Variants in ADGRV1 observed in about 807,000 individuals in gnomAD.
The protein encoded by ADGRV1 is G-protein coupled receptor 98.
A neutral mutation model predicts 596.2 loss-of-function variants in ADGRV1; 359 were observed. That is an observed-to-expected ratio of 0.60 (90% CI 0.55 to 0.66). The LOEUF (loss-of-function observed/expected upper bound fraction) is 0.66. Among genes scored for constraint, ADGRV1 ranks in the 30% least tolerant of loss-of-function variants. The pLI, the probability that ADGRV1 is intolerant of heterozygous loss-of-function variation, is 0.00. For synonymous variants in ADGRV1, 2,681 were observed against 2,679.2 expected (o/e 1.00, Z -0.02); for missense variants, 7,274 against 7,575.6 (o/e 0.96, Z 1.48).
At chr5:91,045,639 C>T (rs1275953931) in intron 85 of ADGRV1, among the ~76,000 whole-genome samples, 3 of 152,110 alleles carry the variant, frequency 2.0e-5, no homozygotes, top group Non-Finnish European at 4.4e-5. Flanking sequence ...ACTCTCACTA[C>T]TTTTCTTCAA....
intron 85 of ADGRV1, among the ~76,000 whole-genome samples, chr5:91,043,608 G>A (rs1785547529): frequency 6.6e-6 from 1 of 152,046 alleles, no homozygotes; most frequent in Admixed American, 6.6e-5. Flanking sequence ...TTATAAAATG[G>A]GGATTATAAT....
chr5:91,118,256 A>G (rs1793019656), intron 87 of ADGRV1, among the ~76,000 whole-genome samples: 1 of 152,092 alleles, frequency 6.6e-6, no homozygotes, highest in Non-Finnish European at 1.5e-5. Context: ...AGCTTATGAT[A>G]GGAGAATAAA....
At chr5:90,708,448 T>C (rs200561374) in intron 38 of ADGRV1, among the ~76,000 whole-genome samples, 2,970 of 150,806 alleles carry the variant, frequency 0.02, 94 homozygotes, top group African/African-American at 0.067. Context: ...TTTTTTTTTT[T>C]CCATGGTGTT....
At chr5:90,828,677 G>A (rs1331038396) in intron 76 of ADGRV1, among the ~76,000 whole-genome samples, 4 of 151,930 alleles carry the variant, frequency 2.6e-5, no homozygotes, top group East Asian at 1.9e-4. Flanking sequence ...TTTGCTGATC[G>A]TAGTAAACAT....
At position 91,072,567 on chromosome 5, in the gene ADGRV1, A is replaced by G. The variant is rs137853918; in HGVS notation, c.18273A>G (p.Ala6091=). 6,398 of 1,613,858 alleles carry G rather than the reference A, an allele frequency of 4.0e-3. 31 individuals are homozygous for G. The highest frequency in any genetic ancestry group is 8.9e-3 in the South Asian group (815 of 91,070). ...ACCAGGTGAAGCCACAGTGGAAAGC[A>G]TATGATGATGTCTTCAGAGGAAGGA... is the stretch of plus-strand genomic sequence containing the variant. ...HAYQVKPQWK[A]YDDVFRGRTN... The change falls in exon 86 of 90, where the codon GCA becomes GCG. Residue 6091 remains alanine, a synonymous_variant. Transcript: ENST00000405460.
intron 85 of ADGRV1, among the ~76,000 whole-genome samples, chr5:91,043,188 T>A (rs1368692156): frequency 6.6e-6 from 1 of 152,182 alleles, no homozygotes; most frequent in Non-Finnish European, 1.5e-5. Context: ...AGTGTGTTCT[T>A]GGCTGTAATA....
In ADGRV1 at chr5:90,684,189, C is replaced by T. The variant is rs1374306116; in HGVS notation, c.6268C>T (p.Arg2090Cys). Reference sequence around the variant, plus strand: ...TACTTTAGTAGCGAAAGTACAGAGTCGTTCAAGTAAGTATCCCTTAGTGTG... The same window carrying T: ...TACTTTAGTAGCGAAAGTACAGAGTTGTTCAAGTAAGTATCCCTTAGTGTG... Reference protein sequence around the residue: ...NSTLVAKVQSRSIPNSPRLGP... With the variant: ...NSTLVAKVQSCSIPNSPRLGP... The change falls in exon 28 of 90, where the codon CGT becomes TGT. Residue 2090 changes from arginine (R) to cysteine (C), a missense_variant. Physicochemically the swap from Arg to Cys is radical, Grantham distance 180. Around this residue, in one of 5 missense-constraint regions of ADGRV1, gnomAD observed 3,643 missense variants for 3,809.2 expected, o/e 0.96. Coordinates refer to ENST00000405460, the MANE Select transcript of ADGRV1 (RefSeq NM_032119.4). 10 of 1,607,412 alleles carry T rather than the reference C, an allele frequency of 6.2e-6. No homozygotes were observed. The highest frequency in any genetic ancestry group is 3.4e-5 in the Admixed American group (2 of 59,314).
intron 82 of ADGRV1, among the ~76,000 whole-genome samples, chr5:90,862,969 A>G (rs1437833157): frequency 1.3e-5 from 2 of 152,204 alleles, no homozygotes; most frequent in Non-Finnish European, 2.9e-5. Context: ...TGATATAACT[A>G]AACGGGTAAA....
At chr5:91,086,407 C>A (rs1178039667) in intron 86 of ADGRV1, among the ~76,000 whole-genome samples, 1 of 152,134 alleles carries the variant, frequency 6.6e-6, no homozygotes, top group African/African-American at 2.4e-5. Context: ...TCACTCCTTT[C>A]TTTTCTTCTT....
At chr5:90,956,759 G>A (rs75572810) in intron 83 of ADGRV1, among the ~76,000 whole-genome samples, 1,700 of 152,182 alleles carry the variant, frequency 0.011, 34 homozygotes, top group African/African-American at 0.04. Flanking sequence ...TGCTAGCATC[G>A]GTGATTTTAA....
At chr5:90,987,767 A>G (rs1223144264) in intron 85 of ADGRV1, among the ~76,000 whole-genome samples, 1 of 152,006 alleles carries the variant, frequency 6.6e-6, no homozygotes, top group African/African-American at 2.4e-5. Context: ...TGGTTACTTC[A>G]TAGTATTTTG....
At chr5:91,066,775 C>A (rs2151377024) in intron 85 of ADGRV1, among the ~76,000 whole-genome samples, 1 of 152,294 alleles carries the variant, frequency 6.6e-6, no homozygotes, top group East Asian at 1.9e-4. Flanking sequence ...ACAAGGCAGG[C>A]AGTTTTTGTT....
At position 90,648,094 on chromosome 5, in the gene ADGRV1, C is replaced by T. The variant is rs141830679; in HGVS notation, c.3289+330C>T. Among the ~76,000 whole-genome samples, 424 of 152,224 alleles carry T rather than the reference C, an allele frequency of 2.8e-3. 1 individual carries two copies. Among genetic ancestry groups the T allele is most frequent in the African/African-American group, 9.2e-3 (381 of 41,550 alleles). On this transcript the variant is annotated intron_variant, in intron 17 of 89. Transcript: ENST00000405460. ...GCTTCCCTAGGTATTGCTTAGTCACCCAGCGACTTAAGGGATAGGTATCCT... is the reference window on the plus strand; with the variant it reads ...GCTTCCCTAGGTATTGCTTAGTCACTCAGCGACTTAAGGGATAGGTATCCT...
At position 91,119,882 on chromosome 5, in the gene ADGRV1, A is replaced by T. The variant is rs2126738874; in HGVS notation, c.18432+17542A>T. 1.3e-5 allele frequency among the ~76,000 whole-genome samples: 2 copies of T among 152,332 alleles called. 1 individual carries two copies. On this transcript the variant is annotated intron_variant, in intron 87 of 89. Coordinates refer to ENST00000405460, the MANE Select transcript of ADGRV1 (RefSeq NM_032119.4). ...AGCTATTGGATTTGCAGACAGAAGG[A>T]CAGCAGAGACTGCAGCACTTTGGCT... is the stretch of plus-strand genomic sequence containing the variant.
chr5:90,821,901 C>T (rs1283793790), intron 75 of ADGRV1, among the ~76,000 whole-genome samples: 1 of 152,212 alleles, frequency 6.6e-6, no homozygotes, highest in Non-Finnish European at 1.5e-5. Flanking sequence ...GAGGTGGAGC[C>T]TACAGAGGCA....
chr5:90,679,664 G>A, intron 26 of ADGRV1, 35 bp downstream of exon 26: 1 of 1,464,422 alleles, frequency 6.8e-7, no homozygotes, highest in Non-Finnish European at 9.5e-7. Context: ...TACTATTATA[G>A]GTTTTTATTT....
rs1756223197 is a variant in ADGRV1, at chr5:90,759,503, G to A, written c.12035G>A (p.Gly4012Asp). The change falls in exon 58 of 90, where the codon GGC (glycine) becomes GAC (aspartate). Residue 4012 changes from glycine to aspartate, a missense_variant. This residue lies in a region of ADGRV1 where 3,643 missense variants were observed against 3,809.2 expected (regional missense o/e 0.96). Transcript: ENST00000405460. ...NISLISVAGG[G>D]RLGDDVVVTV... Reference sequence around the variant, plus strand: ...TCCTTGATCAGTGTTGCTGGAGGTGGCAGACTTGGTGATGATGTTGTGGTA... The same window carrying A: ...TCCTTGATCAGTGTTGCTGGAGGTGACAGACTTGGTGATGATGTTGTGGTA... The A allele has an allele frequency of 6.2e-7, 1 of 1,611,938 alleles. No homozygotes were observed. The highest frequency in any genetic ancestry group is 8.5e-7 in the Non-Finnish European group (1 of 1,178,452).
intron 1 of ADGRV1, among the ~76,000 whole-genome samples, chr5:90,564,029 G>A (rs904323308): frequency 6.6e-6 from 1 of 152,160 alleles, no homozygotes; most frequent in African/African-American, 2.4e-5. Context: ...AGATGTACTT[G>A]TGTAATTATT....
intron 50 of ADGRV1, among the ~76,000 whole-genome samples, chr5:90,740,145 C>A (rs1196147691): frequency 6.6e-6 from 1 of 152,174 alleles, no homozygotes; most frequent in Non-Finnish European, 1.5e-5. Flanking sequence ...TGAGTAGGGT[C>A]AGATGCTCTC....
Sources: gnomAD v4.1 joint callset for allele counts (sites outside exome capture counted in the v4.1 genomes callset) on GRCh38, gnomAD v4.1.1 for gene constraint, gnomAD v4.1.1 regional missense constraint, MANE v1.5 for transcripts, NCBI Gene and HGNC (gene_info 2026-07-23, HGNC 2026-07-21) for gene names.